The following HEATR5A variants were observed in gnomAD, a reference collection of about 807,000 sequenced individuals.
HEATR5A encodes HEAT repeat-containing protein 5A.
HEATR5A carries 178 observed loss-of-function variants against 218.8 expected under a neutral mutation model. The observed-to-expected ratio is 0.81, with a 90% confidence interval of 0.72 to 0.92. The LOEUF (loss-of-function observed/expected upper bound fraction) is 0.92, where lower values mean the gene tolerates loss of function less well. Ranked by LOEUF, HEATR5A falls within the 40% of genes least tolerant of loss-of-function variation. The pLI is 0.00. For missense variants in HEATR5A, 2,420 were observed against 2,418.9 expected, an observed-to-expected ratio of 1.00 and a Z score of -0.01; for synonymous variants, 864 against 871.6, an observed-to-expected ratio of 0.99 and a Z score of 0.15.
chr14:31,356,394 G>A (rs1156708169), intron 16 of HEATR5A, among the ~76,000 whole-genome samples: 1 of 152,042 alleles, frequency 6.6e-6, no homozygotes, highest in African/African-American at 2.4e-5. Flanking sequence ...ACACCACCAT[G>A]CACAGCTAAT....
At chr14:31,416,412 G>A (rs541073896) in intron 1 of HEATR5A, among the ~76,000 whole-genome samples, 6 of 152,120 alleles carry the variant, frequency 3.9e-5, no homozygotes, top group Admixed American at 1.3e-4. Flanking sequence ...ATGAGCCACC[G>A]CATCTGGTCG....
At position 31,321,569 on chromosome 14, in the gene HEATR5A, A is replaced by G. The variant is rs746649383; in HGVS notation, c.3899T>C (p.Ile1300Thr). Residue 1300 changes from isoleucine to threonine, a missense_variant, in exon 25 of 36, where the codon ATT (isoleucine) becomes ACT (threonine). Coordinates refer to ENST00000543095, the MANE Select transcript of HEATR5A (RefSeq NM_015473.4). ...TTCTGGAACAGTTGCAAATCGCCGA[A>G]TAACAACTAACAGCATTTCAAGGCC... ...LSGLEMLLVV[I>T]RRFATVPEPE... 3 of 1,607,858 alleles carry G rather than the reference A, an allele frequency of 1.9e-6. No individual in the cohort carries two copies. The highest frequency in any genetic ancestry group is 2.5e-6 in the Non-Finnish European group (3 of 1,177,278).
At position 31,344,020 on chromosome 14, in the gene HEATR5A, C is replaced by A; in HGVS notation, c.3104G>T (p.Gly1035Val). ...TGGGTTATCTTGCATTACTGCACAA[C>A]CCAGTAGACAGGAAGTCCTTAAGGT... ...ISTLRTSCLL[G>V]CAVMQDNPDC... The change falls in exon 21 of 36, where the codon GGT (glycine) becomes GTT (valine). Residue 1035 changes from glycine to valine, a missense_variant. Gly to Val is a moderately radical substitution (Grantham distance 109). Transcript: ENST00000543095. The A allele has an allele frequency of 6.3e-7, 1 of 1,590,858 alleles. No homozygotes were observed. The highest frequency in any genetic ancestry group is 8.5e-7 in the Non-Finnish European group (1 of 1,170,042).
At position 31,393,414 on chromosome 14, in the gene HEATR5A, G is replaced by A. The variant is rs536606795; in HGVS notation, c.772+638C>T. ...TGGTCCCGCCTACTCAGGAGGCTGA[G>A]GTGGGAGGATCACTTGAGACCAGGA... is the stretch of plus-strand genomic sequence containing the variant. On this transcript the variant is annotated intron_variant, in intron 6 of 35. Transcript: ENST00000543095. Among the ~76,000 whole-genome samples, 36 of 152,260 alleles carry A rather than the reference G, an allele frequency of 2.4e-4. No homozygotes were observed. The South Asian group carries it at 7.5e-3, about 32-fold the overall frequency.
At chr14:31,298,759 T>C (rs930018494) in intron 33 of HEATR5A, among the ~76,000 whole-genome samples, 9 of 152,286 alleles carry the variant, frequency 5.9e-5, no homozygotes, top group African/African-American at 2.2e-4. Context: ...TCCAACCCCA[T>C]GTCCACCTCC....
At chr14:31,337,351 A>G in intron 22 of HEATR5A, 125 bp downstream of exon 22, 1 of 758,280 alleles carries the variant, frequency 1.3e-6, no homozygotes, top group Non-Finnish European at 2.1e-6. Flanking sequence ...ACTGTTAGCA[A>G]TTCTTTCTTG....
chr14:31,329,015 T>A (rs941178952), intron 22 of HEATR5A, among the ~76,000 whole-genome samples: 1 of 151,850 alleles, frequency 6.6e-6, no homozygotes, highest in African/African-American at 2.4e-5. Context: ...AAAGAGAGCA[T>A]GTGAAGGAGG....
At chr14:31,326,846 C>T (rs528355295) in intron 22 of HEATR5A, among the ~76,000 whole-genome samples, 78 of 151,830 alleles carry the variant, frequency 5.1e-4, no homozygotes, top group Non-Finnish European at 9.3e-4. Flanking sequence ...GGTTTCACTA[C>T]GTTGCCCAGG....
intron 16 of HEATR5A, among the ~76,000 whole-genome samples, chr14:31,354,115 T>A (rs897422240): frequency 1.3e-5 from 2 of 151,366 alleles, no homozygotes; most frequent in Admixed American, 6.6e-5. Context: ...TTTTTTTTTT[T>A]AAGAACATAT....
intron 32 of HEATR5A, among the ~76,000 whole-genome samples, chr14:31,304,049 TA>T (rs941605483): frequency 4.1e-5 from 6 of 147,022 alleles, no homozygotes; most frequent in African/African-American, 5.0e-5. Flanking sequence ...TACAAAAAAT[TA>T]AAAAAAAAAA....
intron 21 of HEATR5A, among the ~76,000 whole-genome samples, chr14:31,338,725 T>C (rs1272757556): frequency 6.6e-6 from 1 of 152,168 alleles, no homozygotes; most frequent in Non-Finnish European, 1.5e-5. Context: ...ATTTGGCATA[T>C]GTGGGAAAAA....
intron 11 of HEATR5A, among the ~76,000 whole-genome samples, chr14:31,379,203 C>A (rs973553716): frequency 3.3e-5 from 5 of 151,258 alleles, no homozygotes; most frequent in Non-Finnish European, 7.4e-5. Context: ...CCGCCTAGGC[C>A]TCCCAAAGTG....
chr14:31,397,944 T>A (rs2030721877), intron 4 of HEATR5A, among the ~76,000 whole-genome samples: 1 of 152,200 alleles, frequency 6.6e-6, no homozygotes, highest in African/African-American at 2.4e-5. Context: ...CGAACTACCA[T>A]GTCCATGTTT....
chr14:31,383,607 C>T lies in HEATR5A; in HGVS notation c.1510G>A (p.Ala504Thr). 6.2e-7 allele frequency: 1 copy of T among 1,613,976 alleles called. No individual in the cohort carries two copies. The highest frequency in any genetic ancestry group is 1.1e-5 in the South Asian group (1 of 91,076). Reference protein sequence around the residue: ...RLTGHKSSPEAVTGFSFAVAA... With the variant: ...RLTGHKSSPETVTGFSFAVAA... ...ACAGCAAAACTGAAGCCAGTCACTG[C>T]TTCAGGTGAAGACTTATGTCCAGTA... The change falls in exon 10 of 36, where the codon GCA (alanine) becomes ACA (threonine). Residue 504 changes from alanine (A) to threonine (T), a missense_variant. Transcript: ENST00000543095.
chr14:31,399,888 TA>T (rs1196806582), intron 3 of HEATR5A, among the ~76,000 whole-genome samples: 1 of 152,178 alleles, frequency 6.6e-6, no homozygotes, highest in African/African-American at 2.4e-5. Flanking sequence ...TAATAGGTGA[TA>T]AAATGAACTA....
intron 1 of HEATR5A, among the ~76,000 whole-genome samples, chr14:31,403,891 A>G (rs569283462): frequency 4.6e-5 from 7 of 152,302 alleles, no homozygotes; most frequent in African/African-American, 1.7e-4. Context: ...AATTTATAAG[A>G]TGGAATTGTG....
Position 31,371,877 on chromosome 14 carries a change from G to C in HEATR5A, c.1894C>G (p.Leu632Val), listed in dbSNP as rs373254427. 3.0e-5 allele frequency: 46 copies of C among 1,549,522 alleles called. No individual in the cohort carries two copies. Among genetic ancestry groups the C allele is most frequent in the African/African-American group, 5.5e-5 (4 of 73,090 alleles). Reference sequence around the variant, plus strand: ...CGCTGAGTTACTTCCTCAGTAAGAAGATCACCACAGTGGGAAACAAAGCTC... The same window carrying C: ...CGCTGAGTTACTTCCTCAGTAAGAACATCACCACAGTGGGAAACAAAGCTC... The part of the protein sequence containing the change: ...IKSFVSHCGD[L>V]LTEEVTQRLL... The change falls in exon 13 of 36, where the codon CTT (leucine) becomes GTT (valine). Residue 632 changes from leucine (L) to valine (V), a missense_variant. Coordinates refer to ENST00000543095, the MANE Select transcript of HEATR5A (RefSeq NM_015473.4).
chr14:31,400,384 T>A lies in HEATR5A; in HGVS notation c.255A>T (p.Thr85=), dbSNP rs1035208550. 6.5e-7 allele frequency: 1 copy of A among 1,535,374 alleles called. No homozygotes were observed. Among genetic ancestry groups the A allele is most frequent in the African/African-American group, 1.4e-5 (1 of 73,000 alleles). The change falls in exon 3 of 36, where the codon ACA becomes ACT. Residue 85 remains threonine, a synonymous_variant. Transcript: ENST00000543095. ...NLAILYSIGD[T]FSVHEAIDKC... Reference sequence around the variant, plus strand: ...TATCGATTGCTTCATGAACGGAGAATGTGTCTCCAATACTATAAAGTATGG... The same window carrying A: ...TATCGATTGCTTCATGAACGGAGAAAGTGTCTCCAATACTATAAAGTATGG...
Position 31,337,534 on chromosome 14 carries a change from A to C in HEATR5A, c.3309T>G (p.Ala1103=). The change falls in exon 22 of 36, where the codon GCT becomes GCG. Residue 1103 remains alanine (A), a synonymous_variant. Transcript: ENST00000543095. ...GCATAACAGCATGTTCTGAAACTTC[A>C]GCTGCTTCTCTTTGTACAAGCTGAC... ...CLRQLVQREA[A]EVSEHAVMLA... is the part of the protein sequence containing the mutation. 6.4e-7 allele frequency: 1 copy of C among 1,570,190 alleles called. No individual in the cohort carries two copies. Among genetic ancestry groups the C allele is most frequent in the East Asian group, 2.3e-5 (1 of 42,826 alleles).
Sources: gnomAD v4.1 joint callset for allele counts (sites outside exome capture counted in the v4.1 genomes callset) on GRCh38, gnomAD v4.1.1 for gene constraint, MANE v1.5 for transcripts, NCBI Gene and HGNC (gene_info 2026-07-23, HGNC 2026-07-21) for gene names.